The following MYOZ2 variants were observed in gnomAD, a reference collection of about 807,000 sequenced individuals.
The protein encoded by MYOZ2 is myozenin-2.
In MYOZ2, 19 loss-of-function variants were observed where a neutral mutation model predicts 25.4. That is an observed-to-expected ratio of 0.75 (90% CI 0.52 to 1.10). MYOZ2 has a LOEUF of 1.10. Ranked by LOEUF, MYOZ2 falls within the 50% of genes least tolerant of loss-of-function variation. The pLI is 0.00. For missense variants in MYOZ2, 270 were observed against 317.9 expected, an observed-to-expected ratio of 0.85 and a Z score of 1.15; for synonymous variants, 92 against 106.9, an observed-to-expected ratio of 0.86 and a Z score of 0.86.
At chr4:119,161,467 T>C (rs1272111944) in intron 4 of MYOZ2, among the ~76,000 whole-genome samples, 3 of 152,020 alleles carry the variant, frequency 2.0e-5, no homozygotes, top group Non-Finnish European at 4.4e-5. Flanking sequence ...GAAAATGCCA[T>C]AATACTGTAA....
At chr4:119,162,589 G>A (rs1229432103) in intron 4 of MYOZ2, among the ~76,000 whole-genome samples, 1 of 152,192 alleles carries the variant, frequency 6.6e-6, no homozygotes, top group Non-Finnish European at 1.5e-5. Flanking sequence ...CATAAGATTT[G>A]TATGAGAGTT....
At chr4:119,174,178 G>C (rs965748369) in intron 5 of MYOZ2, among the ~76,000 whole-genome samples, 1 of 152,230 alleles carries the variant, frequency 6.6e-6, no homozygotes, top group Non-Finnish European at 1.5e-5. Context: ...GCAAGCGCAC[G>C]GCGCAGGACT....
At chr4:119,183,208 G>C (rs886962202) in intron 5 of MYOZ2, among the ~76,000 whole-genome samples, 7 of 151,942 alleles carry the variant, frequency 4.6e-5, no homozygotes, top group Non-Finnish European at 1.0e-4. Context: ...AGTCTGGTAA[G>C]AAAAAAGGCA....
At position 119,186,213 on chromosome 4, in the gene MYOZ2, A is replaced by ATAAAAC. The variant is rs1200582477; in HGVS notation, c.*14_*15insAAAACT. The stretch of plus-strand genomic sequence containing the variant: ...AGAAGACCTATGAAAAGAAAGTTGT[A>ATAAAAC]TGTGCCACATAAAACTCTGAATATA... On this transcript the variant is annotated 3_prime_UTR_variant, in exon 6 of 6. Coordinates refer to ENST00000307128, the MANE Select transcript of MYOZ2 (RefSeq NM_016599.5). 6.3e-7 allele frequency: 1 copy of ATAAAAC among 1,591,316 alleles called. No individual in the cohort carries two copies. Among genetic ancestry groups the ATAAAAC allele is most frequent in the African/African-American group, 1.3e-5 (1 of 74,342 alleles).
At chr4:119,139,705 A>G (rs1371640813) in intron 2 of MYOZ2, among the ~76,000 whole-genome samples, 1 of 152,192 alleles carries the variant, frequency 6.6e-6, no homozygotes, top group Non-Finnish European at 1.5e-5. Context: ...TAAAAACCAT[A>G]AGAAGAACTG....
At chr4:119,139,554 AAG>A (rs1241112819) in intron 2 of MYOZ2, among the ~76,000 whole-genome samples, 2 of 152,284 alleles carry the variant, frequency 1.3e-5, no homozygotes, top group South Asian at 2.1e-4. Flanking sequence ...AGACTGAATG[AAG>A]AGAGAGAGGT....
Position 119,185,948 on chromosome 4 carries a change from T to TC in MYOZ2, c.561-18_561-17insC. ...TTGAATATTAATTGAGATCTGTTTT[T>TC]TTTTTAATTTCCCACAGGGTTGCCA... On this transcript the variant is annotated splice_polypyrimidine_tract_variant and intron_variant, in intron 5 of 5. Coordinates refer to ENST00000307128, the MANE Select transcript of MYOZ2 (RefSeq NM_016599.5). 6.3e-7 allele frequency: 1 copy of TC among 1,591,348 alleles called. No homozygotes were observed. Among genetic ancestry groups the TC allele is most frequent in the Non-Finnish European group, 8.6e-7 (1 of 1,161,920 alleles).
At position 119,186,420 on chromosome 4, in the gene MYOZ2, T is replaced by C; in HGVS notation, c.*220T>C. On this transcript the variant is annotated 3_prime_UTR_variant, in exon 6 of 6. Transcript: ENST00000307128. ...ATAACTCACTTGTCTTCATTCATAATTTTGTTTTCACCTGGTTTAAAGAAT... is the reference window on the plus strand; with the variant it reads ...ATAACTCACTTGTCTTCATTCATAACTTTGTTTTCACCTGGTTTAAAGAAT... The C allele has an allele frequency of 1.9e-6, 1 of 530,432 alleles. No individual in the cohort carries two copies. Among genetic ancestry groups the C allele is most frequent in the South Asian group, 2.4e-5 (1 of 41,464 alleles). The allele number at this position is 530,432 out of a possible 1,614,324, so 32.9% of individuals were successfully genotyped here.
chr4:119,137,557 C>T (rs1741060405), intron 2 of MYOZ2, among the ~76,000 whole-genome samples: 1 of 152,130 alleles, frequency 6.6e-6, no homozygotes, highest in African/African-American at 2.4e-5. Flanking sequence ...TTTCATATTA[C>T]ACCTTCCATA....
At position 119,186,533 on chromosome 4, in the gene MYOZ2, T is replaced by G. The variant is rs1315758539; in HGVS notation, c.*333T>G. 1 of 260,658 alleles carries G rather than the reference T, an allele frequency of 3.8e-6. No homozygotes were observed. The highest frequency in any genetic ancestry group is 5.2e-5 in the Admixed American group (1 of 19,270). The allele number at this position is 260,658 out of a possible 1,614,324, so 16.1% of individuals were successfully genotyped here. ...TTTATATGATTTATTACAGTGTAAGTTTTTCAAGTGGAATCTAGAATCAAA... is the reference window on the plus strand; with the variant it reads ...TTTATATGATTTATTACAGTGTAAGGTTTTCAAGTGGAATCTAGAATCAAA... On this transcript the variant is annotated 3_prime_UTR_variant, in exon 6 of 6. Transcript: ENST00000307128.
At chr4:119,168,237 GCT>G (rs1412921966) in intron 5 of MYOZ2, among the ~76,000 whole-genome samples, 1 of 152,326 alleles carries the variant, frequency 6.6e-6, no homozygotes, top group East Asian at 1.9e-4. Flanking sequence ...CTCCCAAAGT[GCT>G]GGGATTATGG....
rs1372005921 is a variant in MYOZ2, at chr4:119,146,903, G to GTGC, written c.77-3968_77-3966dup. Among the ~76,000 whole-genome samples, 3 of 151,742 alleles carry GTGC rather than the reference G, an allele frequency of 2.0e-5. No individual in the cohort carries two copies. The East Asian group carries it at 5.8e-4, about 29-fold the overall frequency. On this transcript the variant is annotated intron_variant, in intron 2 of 5. Coordinates refer to ENST00000307128, the MANE Select transcript of MYOZ2 (RefSeq NM_016599.5). ...TAAATATTTTATAGCTCTGTTTTTG[G>GTGC]TGCATGTACATTTGGGATTTCTAGG...
At chr4:119,156,789 G>A (rs895205089) in intron 3 of MYOZ2, among the ~76,000 whole-genome samples, 13 of 152,136 alleles carry the variant, frequency 8.5e-5, no homozygotes, top group Admixed American at 7.9e-4. Context: ...TGAAGCAGAC[G>A]AAAGAACAAA....
Position 119,158,756 on chromosome 4 carries a change from CTG to C in MYOZ2, c.376+608_376+609del, listed in dbSNP as rs542985191. On this transcript the variant is annotated intron_variant, in intron 4 of 5. Coordinates refer to ENST00000307128, the MANE Select transcript of MYOZ2 (RefSeq NM_016599.5). ...ATAGGACTGTACAATTTATAAAGTG[CTG>C]TGATATATATTGTCTTCTTTAATTT... Among the ~76,000 whole-genome samples the C allele has an allele frequency of 1.8e-4, 28 of 152,028 alleles. 1 individual carries two copies. Among genetic ancestry groups the C allele is most frequent in the Non-Finnish European group, 4.0e-4 (27 of 68,000 alleles).
In MYOZ2 at chr4:119,151,040, A is replaced by G. The variant is rs149125238; in HGVS notation, c.245A>G (p.Asn82Ser). 10 of 1,607,358 alleles carry G rather than the reference A, an allele frequency of 6.2e-6. No homozygotes were observed. Among genetic ancestry groups the G allele is most frequent in the Non-Finnish European group, 8.5e-6 (10 of 1,174,044 alleles). ...NFQYQSRAQI[N>S]HSIAMQNGKV... ...CAGTATCAATCTAGAGCACAAATAA[A>G]TGTAGGTATAACTTGAACAGGTAGT... Residue 82 changes from asparagine (N) to serine (S), a missense_variant and splice_region_variant, in exon 3 of 6, where the codon AAT becomes AGT. Transcript: ENST00000307128.
chr4:119,170,383 C>T lies in MYOZ2; in HGVS notation c.560+5989C>T, dbSNP rs570658729. On this transcript the variant is annotated intron_variant, in intron 5 of 5. Transcript: ENST00000307128. Reference sequence around the variant, plus strand: ...ATTACTATAAAAGTCAAAATATTGACTACCACTAGGGGCTAGAGGGTATTG... The same window carrying T: ...ATTACTATAAAAGTCAAAATATTGATTACCACTAGGGGCTAGAGGGTATTG... Among the ~76,000 whole-genome samples the T allele has an allele frequency of 4.6e-5, 7 of 151,670 alleles. No homozygotes were observed. The East Asian group carries it at 1.4e-3, about 29-fold the overall frequency.
At chr4:119,140,213 A>G (rs1293333192) in intron 2 of MYOZ2, among the ~76,000 whole-genome samples, 4 of 152,220 alleles carry the variant, frequency 2.6e-5, no homozygotes, top group Admixed American at 6.5e-5. Context: ...GATAATATTG[A>G]CATAAATTGC....
At chr4:119,165,927 G>A (rs1741815351) in intron 5 of MYOZ2, among the ~76,000 whole-genome samples, 1 of 152,144 alleles carries the variant, frequency 6.6e-6, no homozygotes, top group Non-Finnish European at 1.5e-5. Context: ...CCTATTGACT[G>A]TATAAATACC....
chr4:119,150,206 G>C (rs1053389276), intron 2 of MYOZ2, among the ~76,000 whole-genome samples: 15 of 152,076 alleles, frequency 9.9e-5, no homozygotes, highest in Non-Finnish European at 2.9e-5. Flanking sequence ...TAAAGAAAAT[G>C]CAAACCATAA....
Sources: allele counts gnomAD v4.1 joint callset (sites outside exome capture counted in the v4.1 genomes callset), GRCh38; gene constraint gnomAD v4.1.1; transcripts MANE v1.5; gene names NCBI Gene and HGNC (gene_info 2026-07-23, HGNC 2026-07-21).